The following MGST1 variants were observed in gnomAD, a reference collection of about 807,000 sequenced individuals.
MGST1 encodes glutathione S-transferase 12.
A neutral mutation model predicts 8.9 loss-of-function variants in MGST1; 5 were observed. The ratio of observed to expected loss-of-function variants is 0.56; its 90% CI spans 0.29 to 1.19. The LOEUF (loss-of-function observed/expected upper bound fraction) is 1.19, where lower values mean the gene tolerates loss of function less well. MGST1 is among the 50% of genes most tolerant of loss of function. The pLI is 0.08. For synonymous variants in MGST1, 54 were observed against 67.8 expected (o/e 0.80, Z 1.00); for missense variants, 182 against 187.4 (o/e 0.97, Z 0.17).
intron 4 of MGST1, among the ~76,000 whole-genome samples, chr12:16,448,604 C>A (rs1475530810): frequency 6.6e-6 from 1 of 151,932 alleles, no homozygotes; most frequent in African/African-American, 2.4e-5. Context: ...TCTCCATAAA[C>A]ACACTTTTAA....
At chr12:16,498,431 C>T (rs1941483816) in intron 4 of MGST1, among the ~76,000 whole-genome samples, 1 of 152,130 alleles carries the variant, frequency 6.6e-6, no homozygotes, top group Admixed American at 6.6e-5. Context: ...GAAAACATTG[C>T]TATTCCTGGT....
At chr12:16,538,043 C>T (rs148246463) in intron 4 of MGST1, among the ~76,000 whole-genome samples, 1 of 152,164 alleles carries the variant, frequency 6.6e-6, no homozygotes, top group Non-Finnish European at 1.5e-5. Flanking sequence ...CTTTTATGCT[C>T]TTTTTCCCTT....
intron 4 of MGST1, among the ~76,000 whole-genome samples, chr12:16,452,439 A>G (rs1941136593): frequency 6.6e-6 from 1 of 151,578 alleles, no homozygotes; most frequent in Admixed American, 6.6e-5. Flanking sequence ...TGTCATCATG[A>G]TCACCCTATC....
intron 3 of MGST1, chr12:16,370,344 GC>G (rs1940270867): frequency 6.6e-6 from 1 of 152,094 alleles, no homozygotes; most frequent in Admixed American, 6.6e-5. Flanking sequence ...CCCAAACTGT[GC>G]CCAGTCTGTT....
At chr12:16,368,793 G>A (rs542181541), downstream of MGST1, among the ~76,000 whole-genome samples, 21 of 152,204 alleles carry the variant, frequency 1.4e-4, no homozygotes, top group South Asian at 1.5e-3. Context: ...AATGTGAGCC[G>A]TAAAATGGAG....
At chr12:16,465,112 G>T (rs1259848226) in intron 4 of MGST1, among the ~76,000 whole-genome samples, 1 of 152,132 alleles carries the variant, frequency 6.6e-6, no homozygotes, top group Non-Finnish European at 1.5e-5. Flanking sequence ...TTTCTTTATT[G>T]ACTTAAATTT....
At chr12:16,419,940 CAT>C (rs1373950508) in intron 1 of MGST1, among the ~76,000 whole-genome samples, 2 of 152,072 alleles carry the variant, frequency 1.3e-5, no homozygotes, top group African/African-American at 4.8e-5. Flanking sequence ...GTGATGGAGA[CAT>C]ATTGGCAGCC....
intron 1 of MGST1, among the ~76,000 whole-genome samples, chr12:16,417,397 A>G (rs1452749816): frequency 2.6e-5 from 4 of 152,208 alleles, no homozygotes; most frequent in Non-Finnish European, 5.9e-5. Flanking sequence ...CACATGGAGT[A>G]CAATTTGGAT....
At position 16,363,791 on chromosome 12, in the gene MGST1, A is replaced by T. The variant is rs757105368; in HGVS notation, c.222-4A>T. 48 of 1,587,372 alleles carry T rather than the reference A, an allele frequency of 3.0e-5. No homozygotes were observed. The highest frequency in any genetic ancestry group is 4.0e-5 in the Non-Finnish European group (47 of 1,161,690). ...GTGTCTTTAATAGTTATCTTTTTCCACAGAGCCCACCTGAATGACCTTGAA... is the reference window on the plus strand; with the variant it reads ...GTGTCTTTAATAGTTATCTTTTTCCTCAGAGCCCACCTGAATGACCTTGAA... On this transcript the variant is annotated splice_polypyrimidine_tract_variant and splice_region_variant and intron_variant, in intron 3 of 3. Transcript: ENST00000396210. The surrounding 1 kb of genome is among the most constrained non-coding windows in gnomAD (Gnocchi z 4.6).
At position 16,555,218 on chromosome 12, in the gene MGST1, T is replaced by C. The variant is rs1346675321; in HGVS notation, n.483-34310T>C. On this transcript the variant is annotated intron_variant and non_coding_transcript_variant, in intron 4 of 4. Coordinates refer to the MGST1 transcript ENST00000538857. This position sits in a 1 kb window ranked among gnomAD's most constrained non-coding sequence, Gnocchi z 5.5. ...TTTCACCTTTACTTAAGTTGTTCCCTAGCAAGAAATATTTCTCCCCTTTTT... is the reference window on the plus strand; with the variant it reads ...TTTCACCTTTACTTAAGTTGTTCCCCAGCAAGAAATATTTCTCCCCTTTTT... Among the ~76,000 whole-genome samples the C allele has an allele frequency of 6.6e-6, 1 of 152,226 alleles. No individual in the cohort carries two copies. Among genetic ancestry groups the C allele is most frequent in the Non-Finnish European group, 1.5e-5 (1 of 68,038 alleles).
intron 1 of MGST1, among the ~76,000 whole-genome samples, chr12:16,351,699 A>C (rs566649490): frequency 6.6e-6 from 1 of 152,064 alleles, no homozygotes; most frequent in Non-Finnish European, 1.5e-5. Context: ...AATCCCAGCT[A>C]CTCGGGAGGC....
chr12:16,562,387 C>G (rs533147670), intron 4 of MGST1, among the ~76,000 whole-genome samples: 85 of 152,202 alleles, frequency 5.6e-4, no homozygotes, highest in African/African-American at 2.0e-3. Context: ...GGTTAACATG[C>G]GATAAAGCCG....
chr12:16,511,552 A>G (rs764433271), intron 4 of MGST1, among the ~76,000 whole-genome samples: 2 of 152,236 alleles, frequency 1.3e-5, no homozygotes, highest in Non-Finnish European at 2.9e-5. Flanking sequence ...TAAAAACACC[A>G]AAGAGAAAAA....
At chr12:16,404,211 AT>A (rs1940682069) in intron 1 of MGST1, among the ~76,000 whole-genome samples, 2 of 152,142 alleles carry the variant, frequency 1.3e-5, no homozygotes, top group Admixed American at 6.5e-5. Context: ...CCAAGCAATT[AT>A]TTCAGCTTTA....
chr12:16,465,880 A>G (rs10744126), intron 4 of MGST1, among the ~76,000 whole-genome samples: 119,063 of 152,046 alleles, frequency 0.78, 46,803 homozygotes, highest in Admixed American at 0.83. Context: ...TAGTGCATAA[A>G]GTATGATAGT....
intron 4 of MGST1, among the ~76,000 whole-genome samples, chr12:16,461,965 C>T (rs1279287669): frequency 1.3e-5 from 2 of 152,028 alleles, no homozygotes; most frequent in African/African-American, 4.8e-5. Flanking sequence ...TCCGGATATA[C>T]CTTGTTTCAT....
At chr12:16,472,350 C>T (rs1472647350) in intron 4 of MGST1, among the ~76,000 whole-genome samples, 1 of 151,610 alleles carries the variant, frequency 6.6e-6, no homozygotes, top group African/African-American at 2.4e-5. Context: ...TGTTTGTAAA[C>T]ATATTTACTA....
chr12:16,559,878 C>G lies in MGST1; in HGVS notation n.483-29650C>G, dbSNP rs967573050. 1.3e-5 allele frequency among the ~76,000 whole-genome samples: 2 copies of G among 151,802 alleles called. No individual in the cohort carries two copies. The highest frequency in any genetic ancestry group is 4.8e-5 in the African/African-American group (2 of 41,330). ...TCGGGAGGCTGAGGCAGGAGGATTG[C>G]TTGAGCACAGAAGTTGAGGCTGCAT... On this transcript the variant is annotated intron_variant and non_coding_transcript_variant, in intron 4 of 4. Transcript: ENST00000538857. The surrounding 1 kb of genome is among the most constrained non-coding windows in gnomAD (Gnocchi z 4.1).
At chr12:16,573,381 G>A (rs1464093291) in intron 4 of MGST1, 2 of 152,150 alleles carry the variant, frequency 1.3e-5, no homozygotes, top group African/African-American at 4.8e-5. Flanking sequence ...GATATTCAGT[G>A]GTAACCAGCG....
Sources: allele counts gnomAD v4.1 joint callset (sites outside exome capture counted in the v4.1 genomes callset), GRCh38; gene constraint gnomAD v4.1.1; non-coding constraint Gnocchi (gnomAD v3.1); transcripts MANE v1.5; gene names NCBI Gene and HGNC (gene_info 2026-07-23, HGNC 2026-07-21).